TCIRG1: variants seen among roughly 807,000 people sequenced by gnomAD.
TCIRG1 encodes the protein T cell immune regulator 1, ATPase H+ transporting V0 subunit a3, also known as V-type proton ATPase 116 kDa subunit a 3.
Under a neutral mutation model 95.5 loss-of-function variants are expected in TCIRG1, and 86 were observed. The observed-to-expected ratio is 0.90, with a 90% CI of 0.76 to 1.08. The LOEUF is 1.08. Among genes scored for constraint, TCIRG1 ranks in the 50% least tolerant of loss-of-function variants. TCIRG1 has a pLI of 0.00. For missense variants in TCIRG1, 1,069 were observed against 1,140.2 expected (o/e 0.94, Z 0.90); for synonymous variants, 499 against 501.3 (o/e 1.00, Z 0.06).
chr11:68,040,763 C>T (rs377279509), intron 1 of TCIRG1, among the ~76,000 whole-genome samples: 2 of 152,282 alleles, frequency 1.3e-5, no homozygotes, highest in African/African-American at 2.4e-5. Context: ...AGGGGACAGC[C>T]CCCCCACAGC....
In TCIRG1 at chr11:68,043,906, AGGTG is replaced by A; in HGVS notation, c.807+4_807+7del. On this transcript the variant is annotated splice_donor_variant and splice_donor_region_variant and coding_sequence_variant and intron_variant, in exon 8 of 20. Coordinates refer to ENST00000265686, the MANE Select transcript of TCIRG1 (RefSeq NM_006019.4). LOFTEE classifies it high-confidence loss of function. ...CAACAGCAGAGCCAGGAGCTGCAGGAGGTGGGTGCCCCCGGCCTTCCGGAGGCGG... is the reference window on the plus strand; with the variant it reads ...CAACAGCAGAGCCAGGAGCTGCAGGAGGTGCCCCCGGCCTTCCGGAGGCGG... 1.9e-6 allele frequency: 3 copies of A among 1,549,470 alleles called. No individual in the cohort carries two copies. Among genetic ancestry groups the A allele is most frequent in the Non-Finnish European group, 2.6e-6 (3 of 1,148,096 alleles).
intron 10 of TCIRG1, among the ~76,000 whole-genome samples, chr11:68,046,714 TGATGGGAA>T (rs1855504420): frequency 6.6e-6 from 1 of 152,190 alleles, no homozygotes. Flanking sequence ...CCCATTTTAC[TGATGGGAA>T]GTCGAGACTT....
rs912332916 is a variant in TCIRG1 at position 68,048,803 on chromosome 11, T to G, written c.1555-76T>G. The G allele has an allele frequency of 5.6e-6, 6 of 1,070,442 alleles. No individual in the cohort carries two copies. In the African/African-American group the frequency reaches 9.3e-5, roughly 17 times the overall value. 66.3% of individuals were successfully genotyped at this position (1,070,442 alleles called of 1,614,324 possible). A position where few individuals can be genotyped will look rare whatever the true frequency, so the allele number is the denominator to read the frequency against. ...GGGGGAAAACAGGGTGGTGAGAGAG[T>G]GACTCGGGCCGGGGACTTCCTGGCA... On this transcript the variant is annotated intron_variant, in intron 13 of 19. Coordinates refer to ENST00000265686, the MANE Select transcript of TCIRG1 (RefSeq NM_006019.4).
intron 16 of TCIRG1, 24 bp downstream of exon 16, chr11:68,049,812 G>C (rs1178911778): frequency 1.3e-6 from 2 of 1,562,616 alleles, no homozygotes; most frequent in Non-Finnish European, 1.7e-6. Context: ...CTAAGGTGTG[G>C]GGGGCTGCTT....
At position 68,048,912 on chromosome 11, in the gene TCIRG1, C is replaced by A; in HGVS notation, c.1588C>A (p.Leu530Ile). ...CCTGGCTGCCAACCACTTGAGCTTC[C>A]TCAACTCCTTCAAGATGAAGATGTC... ...WSLAANHLSF[L>I]NSFKMKMSVI... The change falls in exon 14 of 20, where the codon CTC becomes ATC. Residue 530 changes from leucine to isoleucine, a missense_variant. Transcript: ENST00000265686. 6.2e-7 allele frequency: 1 copy of A among 1,613,172 alleles called. No homozygotes were observed. The highest frequency in any genetic ancestry group is 8.5e-7 in the Non-Finnish European group (1 of 1,180,032).
intron 10 of TCIRG1, among the ~76,000 whole-genome samples, chr11:68,045,550 G>T (rs890077572): frequency 6.6e-6 from 1 of 151,682 alleles, no homozygotes; most frequent in Admixed American, 6.6e-5. Flanking sequence ...TGCTTTGGTT[G>T]CACAGCTTTT....
At chr11:68,049,877 C>T in intron 16 of TCIRG1, 85 bp from the exon 17 acceptor site, 4 of 1,557,344 alleles carry the variant, frequency 2.6e-6, no homozygotes, top group Non-Finnish European at 3.5e-6. Context: ...CTGACAGACT[C>T]CTGAGTGGCC....
intron 4 of TCIRG1, 36 bp downstream of exon 4, chr11:68,042,899 G>T: frequency 6.5e-7 from 1 of 1,550,218 alleles, no homozygotes; most frequent in Non-Finnish European, 8.7e-7. Context: ...TGGGGGGCTG[G>T]GGAGGGGCTG....
At position 68,042,749 on chromosome 11, in the gene TCIRG1, G is replaced by A. The variant is rs536494151; in HGVS notation, c.303G>A (p.Thr101=). 20 of 1,547,284 alleles carry A rather than the reference G, an allele frequency of 1.3e-5. No homozygotes were observed. Among genetic ancestry groups the A allele is most frequent in the Admixed American group, 3.9e-5 (2 of 50,928 alleles). ...PRDLLRIQEE[T]ERLAQELRDV... The stretch of plus-strand genomic sequence containing the variant: ...ACCTGCTGCGCATCCAGGAGGAGAC[G>A]GAGCGCCTGGCCCAGGAGCTGCGGG... Residue 101 remains threonine, a synonymous_variant, in exon 4 of 20, where the codon ACG becomes ACA. Coordinates refer to ENST00000265686, the MANE Select transcript of TCIRG1 (RefSeq NM_006019.4).
In TCIRG1 at chr11:68,050,493, C is replaced by G. The variant is rs1444896718; in HGVS notation, c.2243C>G (p.Ser748Cys). Residue 748 changes from serine to cysteine, a missense_variant, in exon 19 of 20, where the codon TCC becomes TGC. By Grantham distance (112) the Ser-to-Cys change is moderately radical. Transcript: ENST00000265686. ...CTGTCTCCTTTGCTTGCAGAGCTGT[C>G]CGAGGTTCTGTGGGCCATGGTGATG... is the stretch of plus-strand genomic sequence containing the variant. ...WALSLAHAQL[S>C]EVLWAMVMRI... 2 of 1,613,204 alleles carry G rather than the reference C, an allele frequency of 1.2e-6. No homozygotes were observed. The highest frequency in any genetic ancestry group is 4.5e-5 in the East Asian group (2 of 44,880).
At chr11:68,041,473 C>G (rs537756296) in intron 2 of TCIRG1, 85 bp downstream of exon 2, 3 of 1,008,010 alleles carry the variant, frequency 3.0e-6, no homozygotes, top group African/African-American at 1.6e-5. Context: ...GCCCCCCCTC[C>G]GCCATAGGGC....
chr11:68,044,606 C>A (rs967218183), intron 9 of TCIRG1, among the ~76,000 whole-genome samples: 2 of 152,202 alleles, frequency 1.3e-5, no homozygotes, highest in Non-Finnish European at 1.5e-5. Context: ...CAATCCAGGC[C>A]CCCCTGTGAC....
intron 9 of TCIRG1, 72 bp downstream of exon 9, chr11:68,044,416 C>T: frequency 7.8e-7 from 1 of 1,287,148 alleles, no homozygotes; most frequent in South Asian, 1.3e-5. Flanking sequence ...TGCCTCACTT[C>T]CAGCCTCTGG....
rs750773647 is a variant in TCIRG1 at position 68,041,740 on chromosome 11, G to A, written c.118-13G>A. 3.1e-6 allele frequency: 5 copies of A among 1,605,020 alleles called. No homozygotes were observed. In the African/African-American group the frequency reaches 4.0e-5, roughly 13 times the overall value. On this transcript the variant is annotated splice_polypyrimidine_tract_variant and intron_variant, in intron 2 of 19. Transcript: ENST00000265686. The stretch of plus-strand genomic sequence containing the variant: ...CTTCCCGGGACACTCACCCCTCCGT[G>A]TGGCACCCACAGCTCAACGCCTCGG...
chr11:68,042,763 A>G lies in TCIRG1; in HGVS notation c.317A>G (p.Gln106Arg), dbSNP rs1855233275. The G allele has an allele frequency of 1.3e-6, 2 of 1,547,608 alleles. No homozygotes were observed. The highest frequency in any genetic ancestry group is 1.7e-6 in the Non-Finnish European group (2 of 1,146,450). The part of the protein sequence containing the change: ...RIQEETERLA[Q>R]ELRDVRGNQQ... ...CAGGAGGAGACGGAGCGCCTGGCCC[A>G]GGAGCTGCGGGATGTGCGGGGCAAC... is the stretch of plus-strand genomic sequence containing the variant. The change falls in exon 4 of 20, where the codon CAG (glutamine) becomes CGG (arginine). Residue 106 changes from glutamine to arginine, a missense_variant. Gln to Arg is a conservative substitution (Grantham distance 43). Transcript: ENST00000265686.
chr11:68,041,127 C>T (rs1855138264), intron 1 of TCIRG1, 141 bp from the exon 2 acceptor site: 1 of 720,102 alleles, frequency 1.4e-6, no homozygotes, highest in African/African-American at 1.7e-5. Context: ...CAAGCCTGCC[C>T]AGGCCTCAGT....
chr11:68,044,419 G>GCCT, intron 9 of TCIRG1, 75 bp downstream of exon 9: 1 of 1,250,864 alleles, frequency 8.0e-7, no homozygotes. Flanking sequence ...CTCACTTCCA[G>GCCT]CCTCTGGCTC....
chr11:68,049,965 G>A lies in TCIRG1; in HGVS notation c.2017G>A (p.Glu673Lys), dbSNP rs914510990. The A allele has an allele frequency of 1.2e-6, 2 of 1,610,494 alleles. No individual in the cohort carries two copies. Among genetic ancestry groups the A allele is most frequent in the South Asian group, 2.2e-5 (2 of 90,750 alleles). Residue 673 changes from glutamate (E) to lysine (K), a missense_variant, in exon 17 of 20, where the codon GAA becomes AAA. By Grantham distance (56) the Glu-to-Lys change is moderately conservative (BLOSUM62 1). Coordinates refer to ENST00000265686, the MANE Select transcript of TCIRG1 (RefSeq NM_006019.4). ...ACACTGCCTGCTCATGCCCCAGGAG[G>A]AAAACAAGGCCGGGTTGCTGGACCT... ...LRRRPADRQE[E>K]NKAGLLDLPD...
In TCIRG1 at chr11:68,041,758, C is replaced by A. The variant is rs147102889; in HGVS notation, c.123C>A (p.Asn41Lys). 3 of 1,608,552 alleles carry A rather than the reference C, an allele frequency of 1.9e-6. No homozygotes were observed. The highest frequency in any genetic ancestry group is 1.7e-5 in the Admixed American group (1 of 59,502). Residue 41 changes from asparagine (N) to lysine (K), a missense_variant, in exon 3 of 20, where the codon AAC (asparagine) becomes AAA (lysine). By Grantham distance (94) the Asn-to-Lys change is moderately conservative (BLOSUM62 0). Transcript: ENST00000265686. ...CCTCCGTGTGGCACCCACAGCTCAA[C>A]GCCTCGGTGAGCGCCTTCCAGAGAC... ...ELGLVEFRDL[N>K]ASVSAFQRRF...
Sources: allele counts gnomAD v4.1 joint callset (sites outside exome capture counted in the v4.1 genomes callset), GRCh38; gene constraint gnomAD v4.1.1; transcripts MANE v1.5; gene names NCBI Gene and HGNC (gene_info 2026-07-23, HGNC 2026-07-21).